GRIN2A: variants seen among roughly 807,000 people sequenced by gnomAD.
GRIN2A encodes the protein glutamate receptor ionotropic, NMDA 2A.
A neutral mutation model predicts 113.4 loss-of-function variants in GRIN2A; 22 were observed. The ratio of observed to expected loss-of-function variants is 0.19; its 90% CI spans 0.14 to 0.28. GRIN2A has a LOEUF of 0.28. Ranked by LOEUF, GRIN2A falls within the 10% of genes least tolerant of loss-of-function variation. GRIN2A has a pLI of 1.00. For missense variants in GRIN2A, 1,502 were observed against 1,887.0 expected (o/e 0.80, Z 3.78); for synonymous variants, 827 against 738.4 (o/e 1.12, Z -1.94).
At chr16:10,033,029 G>A (rs1303804791) in intron 2 of GRIN2A, among the ~76,000 whole-genome samples, 4 of 152,174 alleles carry the variant, frequency 2.6e-5, no homozygotes, top group Non-Finnish European at 5.9e-5. Context: ...GCCCCAGCTG[G>A]TTTGCACCTG....
intron 2 of GRIN2A, among the ~76,000 whole-genome samples, chr16:10,178,558 A>C (rs1465464980): frequency 6.6e-6 from 1 of 152,210 alleles, no homozygotes; most frequent in African/African-American, 2.4e-5. Flanking sequence ...TCTTCTTCCC[A>C]GACAGGAGCC....
At chr16:10,084,297 C>G (rs2048042706) in intron 2 of GRIN2A, among the ~76,000 whole-genome samples, 1 of 152,060 alleles carries the variant, frequency 6.6e-6, no homozygotes, top group Non-Finnish European at 1.5e-5. Context: ...GCCCTTTTTC[C>G]CACTCAGCAC....
At chr16:9,838,931 A>G (rs527417238) in intron 7 of GRIN2A, among the ~76,000 whole-genome samples, 2 of 152,188 alleles carry the variant, frequency 1.3e-5, no homozygotes, top group South Asian at 4.1e-4. Context: ...GAGGGAGATG[A>G]GTGATGGAAA....
intron 2 of GRIN2A, among the ~76,000 whole-genome samples, chr16:10,006,833 G>A (rs1373055625): frequency 6.6e-6 from 1 of 151,992 alleles, no homozygotes; most frequent in African/African-American, 2.4e-5. Flanking sequence ...TCTCTTCTGT[G>A]TTCAATTGTT....
At chr16:10,027,266 A>C (rs2046841235) in intron 2 of GRIN2A, among the ~76,000 whole-genome samples, 1 of 152,224 alleles carries the variant, frequency 6.6e-6, no homozygotes, top group South Asian at 2.1e-4. Context: ...ACAGATGAGG[A>C]AACTGAGGCT....
At chr16:9,994,389 G>T (rs1223151876) in intron 2 of GRIN2A, among the ~76,000 whole-genome samples, 1 of 152,144 alleles carries the variant, frequency 6.6e-6, no homozygotes, top group Non-Finnish European at 1.5e-5. Flanking sequence ...TCCAGAGAAT[G>T]TGGAGCCCTC....
chr16:9,785,134 G>A (rs1173601377), intron 11 of GRIN2A, among the ~76,000 whole-genome samples: 1 of 152,114 alleles, frequency 6.6e-6, no homozygotes, highest in East Asian at 1.9e-4. Flanking sequence ...AAAGACACAT[G>A]CACACGTGTG....
chr16:10,100,800 A>G lies in GRIN2A; in HGVS notation c.414+79198T>C, dbSNP rs2048379111. On this transcript the variant is annotated intron_variant, in intron 2 of 12. Transcript: ENST00000330684. ...AGTGTAAGTAAATATTTGTGGAGAA[A>G]ACTGATTTGAATGGCCCAGATGGTG... Among the ~76,000 whole-genome samples, 6 of 152,194 alleles carry G rather than the reference A, an allele frequency of 3.9e-5. No individual in the cohort carries two copies. The South Asian group carries it at 1.0e-3, about 26-fold the overall frequency.
At chr16:10,102,356 C>T (rs1195720979) in intron 2 of GRIN2A, among the ~76,000 whole-genome samples, 1 of 152,034 alleles carries the variant, frequency 6.6e-6, no homozygotes, top group African/African-American at 2.4e-5. Context: ...CTCTGTCTTT[C>T]ACCATGCGAT....
At chr16:9,935,283 G>A (rs1444101225) in intron 3 of GRIN2A, among the ~76,000 whole-genome samples, 1 of 152,106 alleles carries the variant, frequency 6.6e-6, no homozygotes, top group African/African-American at 2.4e-5. Flanking sequence ...TGGGCTGGCA[G>A]CAATCCTGCC....
intron 2 of GRIN2A, among the ~76,000 whole-genome samples, chr16:10,150,866 T>C (rs2049553645): frequency 1.3e-5 from 2 of 152,226 alleles, no homozygotes; most frequent in African/African-American, 2.4e-5. Flanking sequence ...CTCTGAAAGG[T>C]AAACTTCCTG....
At chr16:9,855,784 G>T (rs538371797) in intron 4 of GRIN2A, among the ~76,000 whole-genome samples, 1 of 152,316 alleles carries the variant, frequency 6.6e-6, no homozygotes, top group Non-Finnish European at 1.5e-5. Context: ...CAGCCAAATG[G>T]CAAGCTATCT....
At chr16:10,059,151 G>A (rs2047506519) in intron 2 of GRIN2A, among the ~76,000 whole-genome samples, 1 of 152,160 alleles carries the variant, frequency 6.6e-6, no homozygotes, top group Non-Finnish European at 1.5e-5. Flanking sequence ...AGAGGAAATG[G>A]CGACAAAGAT....
chr16:9,906,726 G>A (rs977575591), intron 3 of GRIN2A, among the ~76,000 whole-genome samples: 17 of 152,196 alleles, frequency 1.1e-4, no homozygotes, highest in African/African-American at 3.4e-4. Context: ...ATCTAGACAC[G>A]CAAGATAACA....
intron 3 of GRIN2A, among the ~76,000 whole-genome samples, chr16:9,936,618 C>G (rs1158313242): frequency 6.6e-6 from 1 of 152,172 alleles, no homozygotes; most frequent in African/African-American, 2.4e-5. Context: ...AACAATGACA[C>G]TTCTCAGAAA....
chr16:10,175,267 G>A (rs1169471952), intron 2 of GRIN2A, among the ~76,000 whole-genome samples: 1 of 152,182 alleles, frequency 6.6e-6, no homozygotes, highest in African/African-American at 2.4e-5. Context: ...CTATACATAT[G>A]CATGTATATT....
At position 9,938,343 on chromosome 16, in the gene GRIN2A, G is replaced by A. The variant is rs367543124; in HGVS notation, c.623C>T (p.Thr208Ile). ...TTGTGTCTTTGCATCCTCAAAGGAA[G>A]TGTCCAGTGTGATCACATTCTGCAT... ...WDMQNVITLD[T>I]SFEDAKTQVQ... The change falls in exon 3 of 13, where the codon ACT (threonine) becomes ATT (isoleucine). Residue 208 changes from threonine (T) to isoleucine (I), a missense_variant. By Grantham distance (89) the Thr-to-Ile change is moderately conservative. Coordinates refer to ENST00000330684, the MANE Select transcript of GRIN2A (RefSeq NM_001134407.3). The A allele has an allele frequency of 2.9e-5, 47 of 1,613,958 alleles. No homozygotes were observed. Among genetic ancestry groups the A allele is most frequent in the Middle Eastern group, 3.3e-4 (2 of 6,082 alleles).
At chr16:9,880,709 C>A (rs559052118) in intron 4 of GRIN2A, among the ~76,000 whole-genome samples, 11 of 152,298 alleles carry the variant, frequency 7.2e-5, no homozygotes, top group Admixed American at 4.6e-4. Context: ...GGCACTCTTG[C>A]CTCTGAACCT....
intron 2 of GRIN2A, among the ~76,000 whole-genome samples, chr16:10,178,399 A>C (rs1003583463): frequency 4.6e-5 from 7 of 152,252 alleles, no homozygotes; most frequent in Non-Finnish European, 8.8e-5. Flanking sequence ...ACCTAGCTAC[A>C]TCAGCCACTA....
Sources: gnomAD v4.1 joint callset for allele counts (sites outside exome capture counted in the v4.1 genomes callset) on GRCh38, gnomAD v4.1.1 for gene constraint, MANE v1.5 for transcripts, NCBI Gene and HGNC (gene_info 2026-07-23, HGNC 2026-07-21) for gene names.